Variants in DTX1 observed in about 807,000 individuals in gnomAD.
The protein encoded by DTX1 is E3 ubiquitin-protein ligase DTX1.
DTX1 carries 26 observed loss-of-function variants against 57.8 expected under a neutral mutation model. The ratio of observed to expected loss-of-function variants is 0.45; its 90% confidence interval spans 0.33 to 0.62. The LOEUF is 0.62. Among genes scored for constraint, DTX1 ranks in the 20% least tolerant of loss-of-function variants. The pLI is 0.02. For synonymous variants in DTX1, 398 were observed against 394.1 expected, an observed-to-expected ratio of 1.01 and a Z score of -0.12; for missense variants, 704 against 895.3, an observed-to-expected ratio of 0.79 and a Z score of 2.73.
rs916937519 is a variant in DTX1 at position 113,093,737 on chromosome 12, C to T, written c.1165+37C>T. 3 of 1,606,146 alleles carry T rather than the reference C, an allele frequency of 1.9e-6. No homozygotes were observed. The Admixed American group carries it at 5.0e-5, about 27-fold the overall frequency. On this transcript the variant is annotated intron_variant, in intron 5 of 9. Coordinates refer to ENST00000548759, the MANE Select transcript of DTX1 (RefSeq NM_004416.3). The surrounding 1 kb of genome is among the most constrained non-coding windows in gnomAD (Gnocchi z 4.2). ...ACGCCCTGCCTCACACGAGATGAACCCCACTAAGCCTTGACCACAACTCTG... is the reference window on the plus strand; with the variant it reads ...ACGCCCTGCCTCACACGAGATGAACTCCACTAAGCCTTGACCACAACTCTG...
At chr12:113,061,658 C>T (rs1277751159) in intron 2 of DTX1, among the ~76,000 whole-genome samples, 1 of 152,146 alleles carries the variant, frequency 6.6e-6, no homozygotes, top group Non-Finnish European at 1.5e-5. Flanking sequence ...CACGTGCTCA[C>T]CACTGTGGGT....
In DTX1 at chr12:113,093,962, C is replaced by G. The variant is rs1023917236; in HGVS notation, c.1166-76C>G. The G allele has an allele frequency of 6.4e-5, 99 of 1,545,758 alleles. No individual in the cohort carries two copies. The highest frequency in any genetic ancestry group is 8.3e-5 in the Non-Finnish European group (95 of 1,140,554). On this transcript the variant is annotated intron_variant, in intron 5 of 9. Coordinates refer to ENST00000548759, the MANE Select transcript of DTX1 (RefSeq NM_004416.3). The surrounding 1 kb of genome is among the most constrained non-coding windows in gnomAD (Gnocchi z 4.2). ...CCAGCCTGACCCCTGCCCTCTGACCCCTGACCCAGTTCTGAGCCAAGCCTT... is the reference window on the plus strand; with the variant it reads ...CCAGCCTGACCCCTGCCCTCTGACCGCTGACCCAGTTCTGAGCCAAGCCTT...
Position 113,093,968 on chromosome 12 carries a change from C to T in DTX1, c.1166-70C>T. The T allele has an allele frequency of 6.5e-7, 1 of 1,548,494 alleles. No individual in the cohort carries two copies. The highest frequency in any genetic ancestry group is 1.2e-5 in the South Asian group (1 of 84,172). On this transcript the variant is annotated intron_variant, in intron 5 of 9. Coordinates refer to ENST00000548759, the MANE Select transcript of DTX1 (RefSeq NM_004416.3). The surrounding 1 kb of genome is among the most constrained non-coding windows in gnomAD (Gnocchi z 4.2). Reference sequence around the variant, plus strand: ...TGACCCCTGCCCTCTGACCCCTGACCCAGTTCTGAGCCAAGCCTTCGGGGA... The same window carrying T: ...TGACCCCTGCCCTCTGACCCCTGACTCAGTTCTGAGCCAAGCCTTCGGGGA...
chr12:113,084,353 G>T (rs138351442), intron 3 of DTX1, among the ~76,000 whole-genome samples: 1 of 152,126 alleles, frequency 6.6e-6, no homozygotes. Flanking sequence ...TCCATTTATC[G>T]AGCGCTCCCT....
chr12:113,057,070 C>G (rs548017622), intron 1 of DTX1, 126 bp downstream of exon 1: 1 of 152,192 alleles, frequency 6.6e-6, no homozygotes, highest in Non-Finnish European at 1.5e-5. Context: ...GACGATCCAG[C>G]TCCTGGCTTC....
intron 3 of DTX1, among the ~76,000 whole-genome samples, chr12:113,085,079 T>G (rs1284341809): frequency 1.3e-5 from 2 of 150,542 alleles, no homozygotes; most frequent in Non-Finnish European, 3.0e-5. Flanking sequence ...AGATGGAGTC[T>G]CACTTTGTTG....
chr12:113,073,469 G>T (rs1174703062), intron 2 of DTX1, among the ~76,000 whole-genome samples: 1 of 152,194 alleles, frequency 6.6e-6, no homozygotes. Flanking sequence ...TGTCTGATTG[G>T]CTGGAACATG....
intron 2 of DTX1, among the ~76,000 whole-genome samples, chr12:113,065,134 G>T (rs945713416): frequency 6.6e-6 from 1 of 152,182 alleles, no homozygotes; most frequent in Non-Finnish European, 1.5e-5. Flanking sequence ...CCAGGCCCCG[G>T]GGGACTCACA....
intron 3 of DTX1, among the ~76,000 whole-genome samples, chr12:113,082,223 C>G (rs992603830): frequency 6.6e-6 from 1 of 152,114 alleles, no homozygotes; most frequent in African/African-American, 2.4e-5. Flanking sequence ...CCTCCCCACC[C>G]ACGCAGATGC....
chr12:113,083,756 C>T (rs756620146), intron 3 of DTX1, among the ~76,000 whole-genome samples: 13 of 152,166 alleles, frequency 8.5e-5, no homozygotes, highest in Admixed American at 1.3e-4. Flanking sequence ...CTTTCTCTGT[C>T]TTCTGCCTTT....
chr12:113,077,163 G>T lies in DTX1; in HGVS notation c.260-261G>T, dbSNP rs1019631608. ...CCCACCTCTCGCCCCAGTGCTATGC[G>T]CTGAACCTTTAGCCCCGGCCCCCCT... is the stretch of plus-strand genomic sequence containing the variant. On this transcript the variant is annotated intron_variant, in intron 2 of 9. Transcript: ENST00000548759. This position sits in a 1 kb window ranked among gnomAD's most constrained non-coding sequence, Gnocchi z 7.8. 6.6e-6 allele frequency among the ~76,000 whole-genome samples: 1 copy of T among 151,894 alleles called. No homozygotes were observed. Among genetic ancestry groups the T allele is most frequent in the African/African-American group, 2.4e-5 (1 of 41,308 alleles).
At chr12:113,063,962 C>T (rs896881914) in intron 2 of DTX1, among the ~76,000 whole-genome samples, 1 of 152,216 alleles carries the variant, frequency 6.6e-6, no homozygotes, top group Non-Finnish European at 1.5e-5. Flanking sequence ...AGCCCAGGCC[C>T]CCCAGACAGG....
rs1331824099 is a variant in DTX1, at chr12:113,078,087, G to C, written c.923G>C (p.Arg308Pro). The C allele has an allele frequency of 7.1e-7, 1 of 1,398,694 alleles. No homozygotes were observed. The allele number at this position is 1,398,694 out of a possible 1,614,324, so 86.6% of individuals were successfully genotyped here. Residue 308 changes from arginine to proline, a missense_variant, in exon 3 of 10, where the codon CGC becomes CCC. Around this residue, in one of 3 missense-constraint regions of DTX1, gnomAD observed 299 missense variants for 311.2 expected, o/e 0.96. Transcript: ENST00000548759. ...CAGCGCACCACCAGCGTGAGCGCGC[G>C]CGCCTCCATCCCGCCGGGGTAAGAC... ...GPQRTTSVSA[R>P]ASIPPGVPAL...
chr12:113,084,057 C>T (rs1455567849), intron 3 of DTX1, among the ~76,000 whole-genome samples: 1 of 152,222 alleles, frequency 6.6e-6, no homozygotes, highest in African/African-American at 2.4e-5. Flanking sequence ...CGGGTAACAG[C>T]GAAGGAGGCC....
chr12:113,056,979 G>C (rs532462967), intron 1 of DTX1, 35 bp downstream of exon 1: 1 of 152,278 alleles, frequency 6.6e-6, no homozygotes, highest in Non-Finnish European at 1.5e-5. Flanking sequence ...CCCACCCCCG[G>C]CTCCCGCTGG....
intron 2 of DTX1, among the ~76,000 whole-genome samples, chr12:113,069,386 C>T (rs2044725287): frequency 6.6e-6 from 1 of 152,148 alleles, no homozygotes; most frequent in Non-Finnish European, 1.5e-5. Context: ...GTGGTAGCCT[C>T]TCCGAGTGCC....
Position 113,077,584 on chromosome 12 carries a change from C to G in DTX1, c.420C>G (p.Leu140=), listed in dbSNP as rs372532859. The G allele has an allele frequency of 5.6e-6, 9 of 1,613,716 alleles. No homozygotes were observed. The Admixed American group carries it at 8.3e-5, about 15-fold the overall frequency. ...CCTACGAGAAGCAGCACCCGTGGCTCGACCTCTCATCGCTAGGCTTCTGCT... is the reference window on the plus strand; with the variant it reads ...CCTACGAGAAGCAGCACCCGTGGCTGGACCTCTCATCGCTAGGCTTCTGCT... ...QNAYEKQHPW[L]DLSSLGFCYL... The change falls in exon 3 of 10, where the codon CTC becomes CTG. Residue 140 remains leucine, a synonymous_variant. Transcript: ENST00000548759. This position sits in a 1 kb window ranked among gnomAD's most constrained non-coding sequence, Gnocchi z 7.8.
At position 113,067,113 on chromosome 12, in the gene DTX1, A is replaced by T. The variant is rs2044708941; in HGVS notation, c.259+8662A>T. On this transcript the variant is annotated intron_variant, in intron 2 of 9. Coordinates refer to ENST00000548759, the MANE Select transcript of DTX1 (RefSeq NM_004416.3). ...CTGAGCACCCTGAGATGCAGAACAA[A>T]GGACGAGGCAATCAAAGGAGGCTGC... Among the ~76,000 whole-genome samples, 6 of 152,110 alleles carry T rather than the reference A, an allele frequency of 3.9e-5. No homozygotes were observed. The South Asian group carries it at 1.2e-3, about 32-fold the overall frequency.
Position 113,077,624 on chromosome 12 carries a change from A to T in DTX1, c.460A>T (p.Asn154Tyr), listed in dbSNP as rs1312962663. The T allele has an allele frequency of 6.2e-7, 1 of 1,612,130 alleles. No individual in the cohort carries two copies. Among genetic ancestry groups the T allele is most frequent in the Admixed American group, 1.7e-5 (1 of 59,936 alleles). Residue 154 changes from asparagine to tyrosine, a missense_variant, in exon 3 of 10, where the codon AAC (asparagine) becomes TAC (tyrosine). Physicochemically the swap from Asn to Tyr is moderately radical, Grantham distance 143. This residue lies in a region of DTX1 where 237 missense variants were observed against 328.6 expected (regional missense o/e 0.72). Coordinates refer to ENST00000548759, the MANE Select transcript of DTX1 (RefSeq NM_004416.3). The surrounding 1 kb of genome is among the most constrained non-coding windows in gnomAD (Gnocchi z 7.8). The part of the protein sequence containing the change: ...SLGFCYLIYF[N>Y]SMSQMNRQTR... The stretch of plus-strand genomic sequence containing the variant: ...AGGCTTCTGCTACCTCATCTACTTC[A>T]ACAGCATGTCGCAGATGAACCGCCA...
Sources: allele counts gnomAD v4.1 joint callset (sites outside exome capture counted in the v4.1 genomes callset), GRCh38; gene constraint gnomAD v4.1.1; regional missense constraint gnomAD v4.1.1; non-coding constraint Gnocchi (gnomAD v3.1); transcripts MANE v1.5; gene names NCBI Gene and HGNC (gene_info 2026-07-23, HGNC 2026-07-21).